The following BNC2 variants were observed in gnomAD, a reference collection of about 807,000 sequenced individuals.
BNC2 encodes zinc finger protein basonuclin-2.
A neutral mutation model predicts 76.3 loss-of-function variants in BNC2; 20 were observed. The observed-to-expected ratio is 0.26, with a 90% confidence interval of 0.18 to 0.38. The LOEUF is 0.38. BNC2 is among the 10% of genes least tolerant of loss of function. The pLI is 1.00. For missense variants in BNC2, 1,382 were observed against 1,399.8 expected, an observed-to-expected ratio of 0.99 and a Z score of 0.20; for synonymous variants, 582 against 514.8, an observed-to-expected ratio of 1.13 and a Z score of -1.77.
At chr9:16,430,217 A>T (rs1008405289) in intron 6 of BNC2, among the ~76,000 whole-genome samples, 2 of 152,140 alleles carry the variant, frequency 1.3e-5, no homozygotes, top group African/African-American at 2.4e-5. Context: ...ACTCTTCCTT[A>T]ACATTTAGAA....
At chr9:16,743,319 T>C (rs1026310636) in intron 1 of BNC2, among the ~76,000 whole-genome samples, 20 of 152,228 alleles carry the variant, frequency 1.3e-4, no homozygotes, top group African/African-American at 1.7e-4. Flanking sequence ...CTTTTTTTTT[T>C]CCCCATGTTT....
intron 1 of BNC2, among the ~76,000 whole-genome samples, chr9:16,783,137 G>T (rs1826198922): frequency 6.6e-6 from 1 of 152,076 alleles, no homozygotes; most frequent in Non-Finnish European, 1.5e-5. Flanking sequence ...TACACAATTT[G>T]CAAATAAACA....
At chr9:16,586,299 T>C (rs370651778) in intron 3 of BNC2, among the ~76,000 whole-genome samples, 32 of 152,254 alleles carry the variant, frequency 2.1e-4, no homozygotes, top group East Asian at 1.6e-3. Flanking sequence ...CTGCACCTTA[T>C]TGAAAGTAAT....
At chr9:16,687,532 TC>T (rs992119290) in intron 3 of BNC2, among the ~76,000 whole-genome samples, 4 of 151,896 alleles carry the variant, frequency 2.6e-5, no homozygotes, top group African/African-American at 9.7e-5. Flanking sequence ...ACAGTAATTC[TC>T]CCCAGGGAGC....
intron 5 of BNC2, among the ~76,000 whole-genome samples, chr9:16,463,923 T>C (rs529509826): frequency 1.6e-4 from 25 of 151,752 alleles, no homozygotes; most frequent in Non-Finnish European, 2.7e-4. Flanking sequence ...TGGCGAAACC[T>C]TGTCTCTACT....
intron 5 of BNC2, among the ~76,000 whole-genome samples, chr9:16,499,420 T>A (rs558284422): frequency 1.3e-5 from 2 of 152,194 alleles, no homozygotes; most frequent in East Asian, 3.9e-4. Context: ...ATTTTAATTA[T>A]ACCACACTAA....
At chr9:16,787,575 T>C (rs927549420) in intron 1 of BNC2, among the ~76,000 whole-genome samples, 1 of 152,198 alleles carries the variant, frequency 6.6e-6, no homozygotes, top group Non-Finnish European at 1.5e-5. Flanking sequence ...AAATGATCTG[T>C]TAGCTGAAGT....
intron 2 of BNC2, among the ~76,000 whole-genome samples, chr9:16,731,219 T>G (rs867577278): frequency 6.6e-6 from 1 of 152,178 alleles, no homozygotes; most frequent in Non-Finnish European, 1.5e-5. Flanking sequence ...TATATGAAAA[T>G]TATTTAAAAC....
At chr9:16,703,101 C>T (rs1053262750) in intron 3 of BNC2, among the ~76,000 whole-genome samples, 1 of 152,150 alleles carries the variant, frequency 6.6e-6, no homozygotes, top group Non-Finnish European at 1.5e-5. Context: ...AGTAATTCCA[C>T]TCTTCCCCTC....
At chr9:16,669,153 A>G (rs1034465592) in intron 3 of BNC2, among the ~76,000 whole-genome samples, 5 of 152,224 alleles carry the variant, frequency 3.3e-5, no homozygotes, top group South Asian at 2.1e-4. Flanking sequence ...TAATGTAACT[A>G]TAAGTTGCAT....
At chr9:16,445,065 G>C (rs112567335) in intron 5 of BNC2, among the ~76,000 whole-genome samples, 2 of 152,130 alleles carry the variant, frequency 1.3e-5, no homozygotes, top group Non-Finnish European at 2.9e-5. Context: ...GCAAGATGGG[G>C]AGAAGAATAA....
At chr9:16,804,186 T>G (rs552798433) in intron 1 of BNC2, among the ~76,000 whole-genome samples, 1 of 152,232 alleles carries the variant, frequency 6.6e-6, no homozygotes, top group Non-Finnish European at 1.5e-5. Context: ...TGAGTTATTA[T>G]TCTTGTCAAT....
chr9:16,814,653 A>C (rs1586905686), intron 1 of BNC2, among the ~76,000 whole-genome samples: 1 of 152,230 alleles, frequency 6.6e-6, no homozygotes, highest in East Asian at 1.9e-4. Flanking sequence ...GCAATGTTTG[A>C]GATAACAGAT....
chr9:16,502,558 C>A (rs373512307), intron 5 of BNC2, among the ~76,000 whole-genome samples: 2 of 151,978 alleles, frequency 1.3e-5, no homozygotes, highest in African/African-American at 4.8e-5. Flanking sequence ...TTTTTCCCCC[C>A]CTCTTACTTC....
chr9:16,693,346 G>GA (rs547379107), intron 3 of BNC2, among the ~76,000 whole-genome samples: 3 of 152,244 alleles, frequency 2.0e-5, no homozygotes, highest in Admixed American at 2.0e-4. Flanking sequence ...CCAACCCTCT[G>GA]GGGGTGGGCA....
chr9:16,821,679 G>A (rs1043453903), intron 1 of BNC2, among the ~76,000 whole-genome samples: 1 of 152,098 alleles, frequency 6.6e-6, no homozygotes, highest in African/African-American at 2.4e-5. Context: ...AGGGCGTGGT[G>A]GCTCATGCCT....
At chr9:16,519,136 G>A (rs1817537234) in intron 5 of BNC2, among the ~76,000 whole-genome samples, 1 of 152,160 alleles carries the variant, frequency 6.6e-6, no homozygotes, top group African/African-American at 2.4e-5. Flanking sequence ...CTTCTCAGCT[G>A]TCATTAAAAT....
rs139744564 is a variant in BNC2 at position 16,667,080 on chromosome 9, TACAC to T, written c.330+60713_330+60716del. On this transcript the variant is annotated intron_variant, in intron 3 of 6. Transcript: ENST00000380672. ...AAAGCACACATCACTCAGATACACA[TACAC>T]ACACACACACACACACACACACACG... Among the ~76,000 whole-genome samples the T allele has an allele frequency of 8.7e-3, 1,241 of 142,440 alleles. 12 individuals carry two copies. The highest frequency in any genetic ancestry group is 0.034 in the South Asian group (150 of 4,428). 93.4% of individuals were successfully genotyped at this position (142,440 alleles called of 152,430 possible). A position where few individuals can be genotyped will look rare whatever the true frequency, so the allele number is the denominator to read the frequency against.
At chr9:16,504,866 C>CA (rs1279894634) in intron 5 of BNC2, among the ~76,000 whole-genome samples, 1 of 152,110 alleles carries the variant, frequency 6.6e-6, no homozygotes, top group Non-Finnish European at 1.5e-5. Context: ...TCTTAAAAAA[C>CA]AAAAAACCCC....
Sources: gnomAD v4.1 joint callset for allele counts (sites outside exome capture counted in the v4.1 genomes callset) on GRCh38, gnomAD v4.1.1 for gene constraint, MANE v1.5 for transcripts, NCBI Gene and HGNC (gene_info 2026-07-23, HGNC 2026-07-21) for gene names.